The following COBLL1 variants were observed in gnomAD, a reference collection of about 807,000 sequenced individuals.
The protein encoded by COBLL1 is cordon-bleu WH2 repeat protein like 1.
Under a neutral mutation model 94.8 loss-of-function variants are expected in COBLL1, and 50 were observed. That is an observed-to-expected ratio of 0.53 (90% confidence interval 0.42 to 0.67). COBLL1 has a LOEUF of 0.67. Ranked by LOEUF, COBLL1 falls within the 30% of genes least tolerant of loss-of-function variation. The pLI, the probability that COBLL1 is intolerant of heterozygous loss-of-function variation, is 0.00. For synonymous variants in COBLL1, 448 were observed against 473.8 expected (o/e 0.95, Z 0.71); for missense variants, 1,362 against 1,348.7 (o/e 1.01, Z -0.15).
intron 2 of COBLL1, among the ~76,000 whole-genome samples, chr2:164,818,001 G>A (rs1028662834): frequency 2.0e-5 from 3 of 151,792 alleles, no homozygotes; most frequent in Non-Finnish European, 4.4e-5. Context: ...AAGGCTTTGT[G>A]TATTTACTTT....
rs944567999 is a variant in COBLL1, at chr2:164,841,143, G to A, written c.41+13C>T. 7 of 1,229,774 alleles carry A rather than the reference G, an allele frequency of 5.7e-6. No homozygotes were observed. Among genetic ancestry groups the A allele is most frequent in the Non-Finnish European group, 7.1e-6 (7 of 986,690 alleles). The allele number at this position is 1,229,774 out of a possible 1,614,324, so 76.2% of individuals were successfully genotyped here. ...CCTCCCCGGTGAGAGGCGGCGCGGC[G>A]CTCTGGGCTTACCTGGCTGGGGCGT... On this transcript the variant is annotated intron_variant, in intron 2 of 13. Coordinates refer to ENST00000652658, the MANE Select transcript of COBLL1 (RefSeq NM_001365672.2). This position sits in a 1 kb window ranked among gnomAD's most constrained non-coding sequence, Gnocchi z 5.5.
In COBLL1 at chr2:164,735,163, G is replaced by A. The variant is rs1467490937; in HGVS notation, c.231-5048C>T. 2.0e-5 allele frequency among the ~76,000 whole-genome samples: 3 copies of A among 152,170 alleles called. No homozygotes were observed. The East Asian group carries it at 5.8e-4, about 29-fold the overall frequency. On this transcript the variant is annotated intron_variant, in intron 3 of 13. Transcript: ENST00000652658. The stretch of plus-strand genomic sequence containing the variant: ...TTAGTAATCTTTAGGCACCTGGCTA[G>A]GTCGCTGTTGTCGAATGGGGAATTT...
intron 7 of COBLL1, among the ~76,000 whole-genome samples, chr2:164,721,236 A>T (rs1117983): frequency 6.6e-6 from 1 of 151,938 alleles, no homozygotes. Flanking sequence ...AAAACTTCTC[A>T]GTGTCTCAAT....
chr2:164,720,211 C>A (rs1450250819), intron 7 of COBLL1, among the ~76,000 whole-genome samples: 1 of 151,932 alleles, frequency 6.6e-6, no homozygotes, highest in Non-Finnish European at 1.5e-5. Context: ...ATCCAGATGT[C>A]CAGATCAAAA....
chr2:164,686,133 G>A, intron 13 of COBLL1, 101 bp from the exon 14 acceptor site: 1 of 548,302 alleles, frequency 1.8e-6, no homozygotes. Flanking sequence ...CTGCTTAATT[G>A]TAAATGATAA....
At chr2:164,693,524 T>C (rs1683729540) in intron 12 of COBLL1, among the ~76,000 whole-genome samples, 1 of 152,166 alleles carries the variant, frequency 6.6e-6, no homozygotes, top group South Asian at 2.1e-4. Flanking sequence ...TCATAAATCA[T>C]GCTGTGAATT....
At chr2:164,733,357 T>C (rs1313188711) in intron 3 of COBLL1, among the ~76,000 whole-genome samples, 1 of 151,866 alleles carries the variant, frequency 6.6e-6, no homozygotes, top group East Asian at 1.9e-4. Context: ...CTATATCAGA[T>C]ATCATGAGAA....
intron 2 of COBLL1, among the ~76,000 whole-genome samples, chr2:164,781,138 A>C (rs997604562): frequency 1.3e-5 from 2 of 152,262 alleles, no homozygotes; most frequent in Non-Finnish European, 2.9e-5. Context: ...GTAAGATTCA[A>C]TACCTTTTAC....
At chr2:164,836,016 C>T (rs893052097) in intron 2 of COBLL1, among the ~76,000 whole-genome samples, 14 of 151,982 alleles carry the variant, frequency 9.2e-5, no homozygotes, top group African/African-American at 1.9e-4. Flanking sequence ...ACACATCTGG[C>T]GTTTCAGTAC....
At chr2:164,784,057 G>A (rs1688833542) in intron 2 of COBLL1, among the ~76,000 whole-genome samples, 1 of 151,906 alleles carries the variant, frequency 6.6e-6, no homozygotes, top group African/African-American at 2.4e-5. Context: ...AGAAGGAGGT[G>A]GCAAGACCGG....
chr2:164,841,560 C>A lies in COBLL1; in HGVS notation c.-51+150G>T, dbSNP rs1198021488. Reference sequence around the variant, plus strand: ...GCCGGGGCTGGAAAAGGAGGAGGAGCGGGGCCGGGCGCACGGGCACCGCTG... The same window carrying A: ...GCCGGGGCTGGAAAAGGAGGAGGAGAGGGGCCGGGCGCACGGGCACCGCTG... On this transcript the variant is annotated intron_variant, in intron 1 of 13. Transcript: ENST00000652658. This position sits in a 1 kb window ranked among gnomAD's most constrained non-coding sequence, Gnocchi z 5.5. 10 of 663,114 alleles carry A rather than the reference C, an allele frequency of 1.5e-5. No homozygotes were observed. The highest frequency in any genetic ancestry group is 2.0e-5 in the Non-Finnish European group (10 of 504,346). 41.1% of individuals were successfully genotyped at this position (663,114 alleles called of 1,614,324 possible). A position where few individuals can be genotyped will look rare whatever the true frequency, so the allele number is the denominator to read the frequency against.
At chr2:164,689,992 G>C (rs927820608) in intron 13 of COBLL1, among the ~76,000 whole-genome samples, 1 of 151,934 alleles carries the variant, frequency 6.6e-6, no homozygotes, top group Non-Finnish European at 1.5e-5. Flanking sequence ...GTGTATTTTT[G>C]TGCACATTGT....
intron 7 of COBLL1, among the ~76,000 whole-genome samples, chr2:164,718,975 G>A (rs953227889): frequency 6.6e-6 from 1 of 151,784 alleles, no homozygotes; most frequent in Non-Finnish European, 1.5e-5. Context: ...GAGGATCTTG[G>A]ATGCCCAGAA....
intron 5 of COBLL1, 60 bp downstream of exon 5, chr2:164,727,909 G>A: frequency 8.5e-7 from 1 of 1,174,968 alleles, no homozygotes. Flanking sequence ...CAAACACAAT[G>A]CACAAACATA....
At chr2:164,734,136 T>C (rs1157615548) in intron 3 of COBLL1, among the ~76,000 whole-genome samples, 1 of 151,830 alleles carries the variant, frequency 6.6e-6, no homozygotes, top group East Asian at 1.9e-4. Flanking sequence ...GTTTATGAAG[T>C]TTATGAAACT....
At chr2:164,676,912 T>C (rs1026685787), downstream of COBLL1, among the ~76,000 whole-genome samples, 35 of 152,302 alleles carry the variant, frequency 2.3e-4, no homozygotes, top group African/African-American at 7.9e-4. Context: ...TATGCATTTA[T>C]TTTATTCAAC....
rs758791964 is a variant in COBLL1 at position 164,728,096 on chromosome 2, G to C, written c.534C>G (p.Ser178Arg). The change falls in exon 5 of 14, where the codon AGC becomes AGG. Residue 178 changes from serine to arginine, a missense_variant. By Grantham distance (110) the Ser-to-Arg change is moderately radical (BLOSUM62 -1). Coordinates refer to ENST00000652658, the MANE Select transcript of COBLL1 (RefSeq NM_001365672.2). Reference sequence around the variant, plus strand: ...TATGCAACGGATCAAACTCACATTTGCTACATATAATAGGGGCAAGCTCTT... The same window carrying C: ...TATGCAACGGATCAAACTCACATTTCCTACATATAATAGGGGCAAGCTCTT... Reference protein sequence around the residue: ...SLQELAPIICSKCEFDPLHTL... With the variant: ...SLQELAPIICRKCEFDPLHTL... The C allele has an allele frequency of 1.2e-6, 2 of 1,613,542 alleles. No homozygotes were observed. Among genetic ancestry groups the C allele is most frequent in the Admixed American group, 3.3e-5 (2 of 59,992 alleles).
chr2:164,781,125 A>G (rs1559009660), intron 2 of COBLL1, among the ~76,000 whole-genome samples: 2 of 152,228 alleles, frequency 1.3e-5, no homozygotes, highest in African/African-American at 4.8e-5. Context: ...AAAAACACAA[A>G]AAGTAAGATT....
chr2:164,733,343 C>T (rs1298208637), intron 3 of COBLL1, among the ~76,000 whole-genome samples: 1 of 152,100 alleles, frequency 6.6e-6, no homozygotes, highest in African/African-American at 2.4e-5. Flanking sequence ...AGAAACTTTA[C>T]ACACTATATC....
Sources: allele counts gnomAD v4.1 joint callset (sites outside exome capture counted in the v4.1 genomes callset), GRCh38; gene constraint gnomAD v4.1.1; non-coding constraint Gnocchi (gnomAD v3.1); transcripts MANE v1.5; gene names NCBI Gene and HGNC (gene_info 2026-07-23, HGNC 2026-07-21).